The following MAST3 variants were observed in gnomAD, a reference collection of about 807,000 sequenced individuals.
MAST3 encodes the protein microtubule associated serine/threonine kinase 3, also known as microtubule-associated serine/threonine-protein kinase 3.
A neutral mutation model predicts 127.0 loss-of-function variants in MAST3; 43 were observed. That is an observed-to-expected ratio of 0.34 (90% CI 0.27 to 0.44). The LOEUF is 0.44. Among genes scored for constraint, MAST3 ranks in the 20% least tolerant of loss-of-function variants. The pLI is 1.00. For synonymous variants in MAST3, 785 were observed against 809.2 expected (o/e 0.97, Z 0.51); for missense variants, 1,390 against 1,919.1 (o/e 0.72, Z 5.15).
rs760694890 is a variant in MAST3, at chr19:18,134,594, G to A, written c.1587G>A (p.Ser529=). 6.2e-6 allele frequency: 10 copies of A among 1,612,342 alleles called. No homozygotes were observed. Among genetic ancestry groups the A allele is most frequent in the Middle Eastern group, 1.6e-4 (1 of 6,080 alleles). ...CTGCCCACAGTCTGCTCATCACCTC[G>A]CTTGGCCACATCAAGCTCACGGACT... is the stretch of plus-strand genomic sequence containing the variant. ...DLKPDNLLIT[S]LGHIKLTDFG... is the part of the protein sequence containing the mutation. The change falls in exon 16 of 28, where the codon TCG becomes TCA. Residue 529 remains serine, a synonymous_variant. Coordinates refer to ENST00000687212, the MANE Select transcript of MAST3 (RefSeq NM_001393504.1).
intron 12 of MAST3, 133 bp downstream of exon 12, chr19:18,128,591 T>G (rs1400433489): frequency 1.0e-6 from 1 of 959,416 alleles, no homozygotes; most frequent in Non-Finnish European, 1.6e-6. Flanking sequence ...GGAGGCAAGG[T>G]GACGGCACGT....
chr19:18,144,036 A>C lies in MAST3; in HGVS notation c.2584+29A>C, dbSNP rs1404199858. On this transcript the variant is annotated intron_variant, in intron 22 of 27. Transcript: ENST00000687212. This position sits in a 1 kb window ranked among gnomAD's most constrained non-coding sequence, Gnocchi z 4.0. Reference sequence around the variant, plus strand: ...AGTGGGGCCCTGAGTAAGAGGGATGATGTCATGGAAGTTTCCCAGAGGAGG... The same window carrying C: ...AGTGGGGCCCTGAGTAAGAGGGATGCTGTCATGGAAGTTTCCCAGAGGAGG... 5 of 1,548,308 alleles carry C rather than the reference A, an allele frequency of 3.2e-6. No homozygotes were observed. Among genetic ancestry groups the C allele is most frequent in the Admixed American group, 2.0e-5 (1 of 50,564 alleles).
intron 20 of MAST3, 126 bp downstream of exon 20, chr19:18,139,250 A>G (rs1330315776): frequency 5.8e-6 from 4 of 688,464 alleles, no homozygotes; most frequent in African/African-American, 1.8e-5. Context: ...TATGCTGCCC[A>G]GGCTGGTCTC....
chr19:18,101,336 TTCCTCCTCC>T (rs147438175), intron 1 of MAST3, among the ~76,000 whole-genome samples: 2 of 144,012 alleles, frequency 1.4e-5, no homozygotes, highest in African/African-American at 2.6e-5. Context: ...TCCACTTATT[TTCCTCCTCC>T]TCCTCCTCCT....
At chr19:18,133,549 ATTTTTTTT>A (rs3048882) in intron 15 of MAST3, among the ~76,000 whole-genome samples, 1 of 91,844 alleles carries the variant, frequency 1.1e-5, no homozygotes, top group Non-Finnish European at 2.0e-5. Flanking sequence ...CGCCCAGCTA[ATTTTTTTT>A]TTTTTTTTTT....
chr19:18,115,048 C>G (rs181429171), intron 3 of MAST3, among the ~76,000 whole-genome samples: 1 of 152,218 alleles, frequency 6.6e-6, no homozygotes, highest in East Asian at 1.9e-4. Context: ...TTGTCAGGGA[C>G]AGGGCTAGGA....
At position 18,124,166 on chromosome 19, in the gene MAST3, T is replaced by C. The variant is rs770844282; in HGVS notation, c.843+18T>C. 4.4e-6 allele frequency: 7 copies of C among 1,602,458 alleles called. No homozygotes were observed. In the South Asian group the frequency reaches 6.7e-5, roughly 15 times the overall value. On this transcript the variant is annotated intron_variant, in intron 9 of 27. Coordinates refer to ENST00000687212, the MANE Select transcript of MAST3 (RefSeq NM_001393504.1). The stretch of plus-strand genomic sequence containing the variant: ...TGCAGGATGTGCGTGGTTTTTCGCA[T>C]GTTGAGGTTTTGCATGCAGTGGGAC...
chr19:18,101,543 CCATGTG>C (rs2037619925), intron 1 of MAST3, among the ~76,000 whole-genome samples: 8 of 152,152 alleles, frequency 5.3e-5, no homozygotes, highest in African/African-American at 1.9e-4. Flanking sequence ...CTGGTGTTTT[CCATGTG>C]CCTGCAGGCT....
chr19:18,106,819 C>G (rs908729129), intron 1 of MAST3, among the ~76,000 whole-genome samples: 1 of 151,810 alleles, frequency 6.6e-6, no homozygotes, highest in Non-Finnish European at 1.5e-5. Context: ...GATCTGCCCA[C>G]CTCAGCCTCC....
chr19:18,126,823 C>T (rs1242866186), intron 11 of MAST3, among the ~76,000 whole-genome samples: 8 of 152,000 alleles, frequency 5.3e-5, no homozygotes. Flanking sequence ...CTCTCTCGCC[C>T]AGGCTGGAGT....
chr19:18,101,116 A>G (rs1251444830), intron 1 of MAST3, among the ~76,000 whole-genome samples: 1 of 152,128 alleles, frequency 6.6e-6, no homozygotes, highest in African/African-American at 2.4e-5. Flanking sequence ...TGTTATTACT[A>G]CTACTACTAT....
rs1266859358 is a variant in MAST3 at position 18,150,709 on chromosome 19, G to T, written c.*983G>T. On this transcript the variant is annotated 3_prime_UTR_variant, in exon 28 of 28. Transcript: ENST00000687212. Reference sequence around the variant, plus strand: ...ATATATAGAGTCTGCCTCCAATCCTGCTGGCTTCAGCCTGGAGAAGGGATA... The same window carrying T: ...ATATATAGAGTCTGCCTCCAATCCTTCTGGCTTCAGCCTGGAGAAGGGATA... The T allele has an allele frequency of 1.3e-5, 2 of 152,310 alleles. No individual in the cohort carries two copies. The highest frequency in any genetic ancestry group is 2.4e-5 in the African/African-American group (1 of 41,456). 9.4% of individuals were successfully genotyped at this position (152,310 alleles called of 1,614,324 possible).
At chr19:18,119,693 GGT>G (rs2039727972) in intron 3 of MAST3, among the ~76,000 whole-genome samples, 2 of 152,186 alleles carry the variant, frequency 1.3e-5, no homozygotes, top group African/African-American at 2.4e-5. Flanking sequence ...CACTGGATGT[GGT>G]AGGTTTCATC....
chr19:18,141,965 G>A lies in MAST3; in HGVS notation c.2289G>A (p.Gly763=), dbSNP rs2042538763. The A allele has an allele frequency of 6.4e-7, 1 of 1,556,500 alleles. No homozygotes were observed. Among genetic ancestry groups the A allele is most frequent in the Non-Finnish European group, 8.7e-7 (1 of 1,147,716 alleles). Residue 763 remains glycine, a synonymous_variant, in exon 21 of 28, where the codon GGG becomes GGA. Transcript: ENST00000687212. ...ERSFSEDREE[G]WERSEVDYGR... ...GCTTCAGTGAAGACCGGGAGGAGGG[G>A]TGGGAGCGCAGCGAAGTGGACTATG...
rs2038519367 is a variant in MAST3 at position 18,110,796 on chromosome 19, C to A, written c.161+55C>A. On this transcript the variant is annotated intron_variant, in intron 3 of 27. Transcript: ENST00000687212. The surrounding 1 kb of genome is among the most constrained non-coding windows in gnomAD (Gnocchi z 4.3). ...AGACATCGCCCTGGCACCCCAGAGC[C>A]TTGGAAACCCTCCAGACTCATCGGT... is the stretch of plus-strand genomic sequence containing the variant. The A allele has an allele frequency of 1.2e-6, 1 of 867,008 alleles. No homozygotes were observed. Among genetic ancestry groups the A allele is most frequent in the South Asian group, 5.3e-5 (1 of 18,926 alleles). 53.7% of individuals were successfully genotyped at this position (867,008 alleles called of 1,614,324 possible).
chr19:18,123,402 C>A (rs749861018), intron 7 of MAST3, 28 bp downstream of exon 7: 4 of 1,591,618 alleles, frequency 2.5e-6, no homozygotes, highest in African/African-American at 1.3e-5. Context: ...GCCCCAGCCC[C>A]GGCCCCTCCC....
intron 3 of MAST3, 43 bp from the exon 4 acceptor site, chr19:18,121,642 G>C (rs1007925968): frequency 1.9e-6 from 3 of 1,550,166 alleles, no homozygotes; most frequent in Non-Finnish European, 2.7e-6. Context: ...CTTAGCGCGG[G>C]GCCCTGGGCA....
At chr19:18,118,028 C>T (rs924368805) in intron 3 of MAST3, 11 of 836,464 alleles carry the variant, frequency 1.3e-5, no homozygotes, top group Non-Finnish European at 1.6e-5. Flanking sequence ...CGCGCGCTTC[C>T]TTCTCGCCGC....
At chr19:18,134,431 A>T in intron 15 of MAST3, 148 bp from the exon 16 acceptor site, 1 of 1,120,086 alleles carries the variant, frequency 8.9e-7, no homozygotes, top group Non-Finnish European at 1.2e-6. Context: ...AGTTCCAGCT[A>T]CTTGGGAGGC....
Sources: gnomAD v4.1 joint callset for allele counts (sites outside exome capture counted in the v4.1 genomes callset) on GRCh38, gnomAD v4.1.1 for gene constraint, Gnocchi (gnomAD v3.1) non-coding constraint, MANE v1.5 for transcripts, NCBI Gene and HGNC (gene_info 2026-07-23, HGNC 2026-07-21) for gene names.